Variants in FTCDNL1 observed in about 807,000 individuals in gnomAD.
FTCDNL1 encodes the protein formiminotransferase N-terminal subdomain-containing protein.
In FTCDNL1, 11 loss-of-function variants were observed where a neutral mutation model predicts 5.9. The ratio of observed to expected loss-of-function variants is 1.87; its 90% CI spans 1.18 to 3.10. The LOEUF (loss-of-function observed/expected upper bound fraction) is 3.10. Among genes scored for constraint, FTCDNL1 ranks in the 30% most tolerant of loss-of-function variants. The probability of loss-of-function intolerance (pLI) is 0.00; values close to 1 mark genes in which losing one functional copy is unlikely to be tolerated. For synonymous variants in FTCDNL1, 58 were observed against 24.8 expected (o/e 2.34, Z -3.99); for missense variants, 115 against 65.5 (o/e 1.76, Z -2.61).
chr2:199,675,650 C>T, the FTCDNL1 span, among the ~76,000 whole-genome samples: 1 of 152,032 alleles, frequency 6.6e-6, no homozygotes, highest in Non-Finnish European at 1.5e-5. Context: ...GAGTGTGGCT[C>T]CATCATCCTC....
intron 3 of FTCDNL1, among the ~76,000 whole-genome samples, chr2:199,832,005 G>A (rs1702403596): frequency 1.3e-5 from 2 of 152,020 alleles, no homozygotes; most frequent in Non-Finnish European, 2.9e-5. Flanking sequence ...ATTTCATGGA[G>A]ATACAGATAC....
At chr2:199,748,189 A>G in the FTCDNL1 span, among the ~76,000 whole-genome samples, 1 of 152,236 alleles carries the variant, frequency 6.6e-6, no homozygotes, top group South Asian at 2.1e-4. Context: ...ACTCCATATA[A>G]GAAAAGGAAA....
intron 4 of FTCDNL1, among the ~76,000 whole-genome samples, chr2:199,813,205 A>T (rs1343564304): frequency 6.6e-6 from 1 of 152,240 alleles, no homozygotes; most frequent in Non-Finnish European, 1.5e-5. Flanking sequence ...CAAATAAAAA[A>T]CTGCATTCAG....
intron 3 of FTCDNL1, among the ~76,000 whole-genome samples, chr2:199,789,340 A>G (rs1699810827): frequency 6.6e-6 from 1 of 152,204 alleles, no homozygotes; most frequent in South Asian, 2.1e-4. Context: ...ATACATCAAC[A>G]TAATCCCTTA....
At chr2:199,780,656 A>C (rs2106324959) in intron 3 of FTCDNL1, among the ~76,000 whole-genome samples, 1 of 152,256 alleles carries the variant, frequency 6.6e-6, no homozygotes, top group East Asian at 1.9e-4. Context: ...CAGCTTGGCA[A>C]AGTAGCACAC....
At chr2:199,836,038 G>T (rs901317258) in intron 3 of FTCDNL1, among the ~76,000 whole-genome samples, 1 of 152,260 alleles carries the variant, frequency 6.6e-6, no homozygotes, top group South Asian at 2.1e-4. Context: ...CTCAACTGTG[G>T]CTTCTAGATT....
intron 3 of FTCDNL1, among the ~76,000 whole-genome samples, chr2:199,825,145 AAAAAAG>A (rs1209751018): frequency 6.6e-5 from 10 of 151,986 alleles, no homozygotes; most frequent in African/African-American, 9.6e-5. Context: ...CTCAAAAAAA[AAAAAAG>A]AAAAAGAAAA....
Position 199,846,158 on chromosome 2 carries a change from G to T in FTCDNL1, c.128C>A (p.Pro43His). 1.4e-6 allele frequency: 1 copy of T among 697,384 alleles called. No homozygotes were observed. Among genetic ancestry groups the T allele is most frequent in the Non-Finnish European group, 2.6e-6 (1 of 382,660 alleles). The allele number at this position is 697,384 out of a possible 1,614,324, so 43.2% of individuals were successfully genotyped here. ...ALLDKNGKKH[P>H]QVSVLNIFSD... ...AAATATATTGAGCACTGAAACTTGA[G>T]GATGTTTCTTTCCTGTAAAAAAAAC... The change falls in exon 3 of 5, where the codon CCT becomes CAT. Residue 43 changes from proline (P) to histidine (H), a missense_variant. Coordinates refer to ENST00000420128, the MANE Select transcript of FTCDNL1 (RefSeq NM_001363886.2).
the FTCDNL1 span, among the ~76,000 whole-genome samples, chr2:199,697,839 G>A: frequency 6.6e-6 from 1 of 152,302 alleles, no homozygotes; most frequent in South Asian, 2.1e-4. Flanking sequence ...AGAGTGTCAA[G>A]TTGGATAAGA....
the FTCDNL1 span, among the ~76,000 whole-genome samples, chr2:199,731,702 A>C: frequency 7.9e-5 from 12 of 151,994 alleles, no homozygotes; most frequent in African/African-American, 1.4e-4. Flanking sequence ...TCCCAGCTAA[A>C]ACGGTGAAAC....
the FTCDNL1 span, among the ~76,000 whole-genome samples, chr2:199,688,834 C>T: frequency 0.11 from 17,058 of 152,242 alleles, 1,305 homozygotes; most frequent in Middle Eastern, 0.24. Flanking sequence ...TGAATTCCTT[C>T]ATTTAAGGGC....
At chr2:199,688,197 C>A in the FTCDNL1 span, among the ~76,000 whole-genome samples, 1 of 145,734 alleles carries the variant, frequency 6.9e-6, no homozygotes, top group African/African-American at 2.5e-5. Context: ...TGCCACTGCA[C>A]TCCAGCCTGG....
chr2:199,742,099 C>G, the FTCDNL1 span, among the ~76,000 whole-genome samples: 1 of 55,840 alleles, frequency 1.8e-5, no homozygotes, highest in Non-Finnish European at 6.3e-5. Context: ...TTCTCTCTGC[C>G]TCAATTTTTT....
At chr2:199,782,005 G>C (rs746172306) in intron 3 of FTCDNL1, among the ~76,000 whole-genome samples, 1 of 151,988 alleles carries the variant, frequency 6.6e-6, no homozygotes, top group East Asian at 1.9e-4. Flanking sequence ...GGATGGTCTC[G>C]ATCTCCTGAC....
chr2:199,699,747 A>G, the FTCDNL1 span, among the ~76,000 whole-genome samples: 1 of 152,224 alleles, frequency 6.6e-6, no homozygotes, highest in Non-Finnish European at 1.5e-5. Flanking sequence ...GGTTCAACAT[A>G]TTCAAATCAA....
chr2:199,843,727 T>C (rs1051185397), intron 3 of FTCDNL1, among the ~76,000 whole-genome samples: 2 of 152,170 alleles, frequency 1.3e-5, no homozygotes, highest in Admixed American at 1.3e-4. Flanking sequence ...CTAAGGCGGC[T>C]TTTTTTCCCC....
downstream of FTCDNL1, among the ~76,000 whole-genome samples, chr2:199,758,223 G>GA (rs140024022): frequency 1.1e-4 from 17 of 148,638 alleles, no homozygotes; most frequent in East Asian, 1.6e-3. Flanking sequence ...AAGAGAACTG[G>GA]AAAAAAAAAA....
the FTCDNL1 span, among the ~76,000 whole-genome samples, chr2:199,665,877 C>A: frequency 4.1e-5 from 4 of 98,512 alleles, no homozygotes; most frequent in South Asian, 1.7e-3. Context: ...TCATAACTAA[C>A]TAATGTTTAG....
the FTCDNL1 span, among the ~76,000 whole-genome samples, chr2:199,730,422 A>C: frequency 6.6e-6 from 1 of 152,246 alleles, no homozygotes; most frequent in Non-Finnish European, 1.5e-5. Flanking sequence ...GAATAGGAGA[A>C]AATTTTTGCA....
Sources: gnomAD v4.1 joint callset for allele counts (sites outside exome capture counted in the v4.1 genomes callset) on GRCh38, gnomAD v4.1.1 for gene constraint, MANE v1.5 for transcripts, NCBI Gene and HGNC (gene_info 2026-07-23, HGNC 2026-07-21) for gene names.